The following CDC42BPB variants were observed in gnomAD, a reference collection of about 807,000 sequenced individuals.
CDC42BPB encodes the protein serine/threonine-protein kinase MRCK beta.
A neutral mutation model predicts 214.9 loss-of-function variants in CDC42BPB; 37 were observed. The observed-to-expected ratio is 0.17, with a 90% CI of 0.13 to 0.23. CDC42BPB has a LOEUF of 0.23. Ranked by LOEUF, CDC42BPB falls within the 10% of genes least tolerant of loss-of-function variation. The pLI, the probability that CDC42BPB is intolerant of heterozygous loss-of-function variation, is 1.00. For missense variants in CDC42BPB, 1,694 were observed against 2,227.0 expected, an observed-to-expected ratio of 0.76 and a Z score of 4.82; for synonymous variants, 931 against 884.0, an observed-to-expected ratio of 1.05 and a Z score of -0.94.
chr14:102,943,798 G>C lies in CDC42BPB; in HGVS notation c.4408+93C>G, dbSNP rs1402936169. 3 of 1,138,616 alleles carry C rather than the reference G, an allele frequency of 2.6e-6. No homozygotes were observed. Among genetic ancestry groups the C allele is most frequent in the Non-Finnish European group, 3.8e-6 (3 of 797,638 alleles). 70.5% of individuals were successfully genotyped at this position (1,138,616 alleles called of 1,614,324 possible). On this transcript the variant is annotated intron_variant, in intron 30 of 36. Transcript: ENST00000361246. This position sits in a 1 kb window ranked among gnomAD's most constrained non-coding sequence, Gnocchi z 4.6. Reference sequence around the variant, plus strand: ...ATGCTCTGTGACTACTCAACTAAGGGACTGGAAGACAAACCAAAGCAAAAT... The same window carrying C: ...ATGCTCTGTGACTACTCAACTAAGGCACTGGAAGACAAACCAAAGCAAAAT...
At position 102,939,736 on chromosome 14, in the gene CDC42BPB, A is replaced by G; in HGVS notation, c.4710-9T>C. 1 of 1,614,136 alleles carries G rather than the reference A, an allele frequency of 6.2e-7. No individual in the cohort carries two copies. On this transcript the variant is annotated splice_polypyrimidine_tract_variant and intron_variant, in intron 33 of 36. Coordinates refer to ENST00000361246, the MANE Select transcript of CDC42BPB (RefSeq NM_006035.4). The stretch of plus-strand genomic sequence containing the variant: ...GGTCTCTAAGCATCTCTCTGGGGAA[A>G]GGACACACTTTTGAGATTCATGGAT...
chr14:103,041,799 C>T, intron 1 of CDC42BPB: 2 of 436,966 alleles, frequency 4.6e-6, no homozygotes, highest in South Asian at 2.3e-5. Context: ...CCCTGCAGGC[C>T]AAGGTGCGGC....
chr14:102,967,015 T>C, intron 17 of CDC42BPB, 31 bp downstream of exon 17: 1 of 1,606,526 alleles, frequency 6.2e-7, no homozygotes, highest in Non-Finnish European at 8.5e-7. Flanking sequence ...AGGGAGCGGA[T>C]TCACGGCCGC....
rs1321263609 is a variant in CDC42BPB, at chr14:102,978,176, G to T, written c.1170C>A (p.Gly390=). The T allele has an allele frequency of 6.2e-7, 1 of 1,613,746 alleles. No individual in the cohort carries two copies. Among genetic ancestry groups the T allele is most frequent in the Non-Finnish European group, 8.5e-7 (1 of 1,179,628 alleles). The change falls in exon 9 of 37, where the codon GGC becomes GGA. Residue 390 remains glycine, a synonymous_variant. Transcript: ENST00000361246. ...TGAATGGCAAATGTAATCCAGAAAAGCCTGTGTGAGAACCAGGAGGTAATA... is the reference window on the plus strand; with the variant it reads ...TGAATGGCAAATGTAATCCAGAAAATCCTGTGTGAGAACCAGGAGGTAATA... The part of the protein sequence containing the change: ...TEILPPGSHT[G]FSGLHLPFIG...
At chr14:102,952,447 C>A (rs773547578) in intron 24 of CDC42BPB, 51 bp downstream of exon 24, 104 of 1,177,264 alleles carry the variant, frequency 8.8e-5, no homozygotes, top group Non-Finnish European at 1.2e-4. Context: ...CCCTTAGCTG[C>A]AGGGGTGTGG....
intron 34 of CDC42BPB, chr14:102,938,624 G>GT (rs1371418486): frequency 1.1e-6 from 1 of 913,814 alleles, no homozygotes; most frequent in Non-Finnish European, 1.3e-6. Flanking sequence ...TATAAAAAGC[G>GT]TACTTTTTTT....
At chr14:102,995,578 C>T (rs562410218) in intron 5 of CDC42BPB, among the ~76,000 whole-genome samples, 2 of 152,324 alleles carry the variant, frequency 1.3e-5, no homozygotes, top group African/African-American at 2.4e-5. Flanking sequence ...TGAGGGGCAC[C>T]CACAGGGTCC....
rs1228315480 is a variant in CDC42BPB at position 102,999,909 on chromosome 14, G to T, written c.448-196C>A. On this transcript the variant is annotated intron_variant, in intron 4 of 36. Coordinates refer to ENST00000361246, the MANE Select transcript of CDC42BPB (RefSeq NM_006035.4). ...CGTCCACGACGCCGCCATCTTCAGGGGTGCATATGGCAGAGAGTGGACTTC... is the reference window on the plus strand; with the variant it reads ...CGTCCACGACGCCGCCATCTTCAGGTGTGCATATGGCAGAGAGTGGACTTC... The T allele has an allele frequency of 6.1e-6, 6 of 985,364 alleles. No individual in the cohort carries two copies. In the East Asian group the frequency reaches 6.8e-4, roughly 112 times the overall value. 61.0% of individuals were successfully genotyped at this position (985,364 alleles called of 1,614,324 possible). A position where few individuals can be genotyped will look rare whatever the true frequency, so the allele number is the denominator to read the frequency against.
At position 103,057,352 on chromosome 14, in the gene CDC42BPB, G is replaced by A. The variant is rs1889045902; in HGVS notation, c.-179C>T. ...CGACATCTTGGGCTCCGTCCCGACGGCGCAGAGTCTGGGGCGCCGGGCCCC... is the reference window on the plus strand; with the variant it reads ...CGACATCTTGGGCTCCGTCCCGACGACGCAGAGTCTGGGGCGCCGGGCCCC... On this transcript the variant is annotated 5_prime_UTR_variant, in exon 1 of 37. Transcript: ENST00000361246. The A allele has an allele frequency of 4.9e-6, 5 of 1,017,402 alleles. No individual in the cohort carries two copies. The highest frequency in any genetic ancestry group is 5.9e-6 in the Non-Finnish European group (5 of 852,416). 63.0% of individuals were successfully genotyped at this position (1,017,402 alleles called of 1,614,324 possible).
chr14:102,999,748 C>T, intron 4 of CDC42BPB, 35 bp from the exon 5 acceptor site: 3 of 1,613,136 alleles, frequency 1.9e-6, no homozygotes, highest in Non-Finnish European at 2.5e-6. Context: ...GAGAATACCA[C>T]ATTTAGTCAC....
chr14:102,962,138 A>G (rs1265801545), intron 20 of CDC42BPB, among the ~76,000 whole-genome samples: 3 of 152,240 alleles, frequency 2.0e-5, no homozygotes, highest in Admixed American at 2.0e-4. Flanking sequence ...CAGAGCGGCA[A>G]AAATCCAAAA....
intron 1 of CDC42BPB, among the ~76,000 whole-genome samples, chr14:103,031,688 G>A (rs1887385600): frequency 6.6e-6 from 1 of 152,136 alleles, no homozygotes; most frequent in Non-Finnish European, 1.5e-5. Context: ...AGCAGGAAGG[G>A]CCTGGGGCTC....
At chr14:103,010,139 T>C (rs1418471697) in intron 2 of CDC42BPB, among the ~76,000 whole-genome samples, 3 of 152,024 alleles carry the variant, frequency 2.0e-5, no homozygotes, top group Non-Finnish European at 2.9e-5. Flanking sequence ...TAAAAAAAAT[T>C]AGCCGGGCGT....
chr14:102,970,319 C>T, intron 13 of CDC42BPB, 58 bp from the exon 14 acceptor site: 13 of 1,550,532 alleles, frequency 8.4e-6, no homozygotes, highest in Non-Finnish European at 1.1e-5. Context: ...TCACCAGTTA[C>T]AGCAGCACCC....
At chr14:103,032,707 A>G (rs1172526813) in intron 1 of CDC42BPB, among the ~76,000 whole-genome samples, 3 of 142,428 alleles carry the variant, frequency 2.1e-5, no homozygotes, top group African/African-American at 8.0e-5. Flanking sequence ...ATCTAGGCTC[A>G]TTGCGACCTC....
chr14:102,959,961 C>G (rs543378263), intron 20 of CDC42BPB: 7 of 445,254 alleles, frequency 1.6e-5, no homozygotes, highest in Admixed American at 6.4e-5. Flanking sequence ...AATCCCAACA[C>G]TTTGGGAGGC....
intron 26 of CDC42BPB, among the ~76,000 whole-genome samples, chr14:102,949,386 T>G (rs1313390364): frequency 6.6e-6 from 1 of 152,094 alleles, no homozygotes; most frequent in Non-Finnish European, 1.5e-5. Flanking sequence ...CACCAGCACC[T>G]GCTGCGGTCT....
At chr14:102,992,791 A>C (rs551618964) in intron 5 of CDC42BPB, among the ~76,000 whole-genome samples, 1 of 148,278 alleles carries the variant, frequency 6.7e-6, no homozygotes, top group Non-Finnish European at 1.5e-5. Flanking sequence ...AAATATATAT[A>C]TTCAAAAATA....
Position 102,943,671 on chromosome 14 carries a change from T to C in CDC42BPB, c.4408+220A>G. 1.8e-6 allele frequency: 1 copy of C among 546,706 alleles called. No homozygotes were observed. The allele number at this position is 546,706 out of a possible 1,614,324, so 33.9% of individuals were successfully genotyped here. A position where few individuals can be genotyped will look rare whatever the true frequency, so the allele number is the denominator to read the frequency against. The stretch of plus-strand genomic sequence containing the variant: ...GGCCTCTGGAAGAACCGGCCCCATG[T>C]GCTCAGGGAGAGAGGTTGCTGAGCC... On this transcript the variant is annotated intron_variant, in intron 30 of 36. Transcript: ENST00000361246. This position sits in a 1 kb window ranked among gnomAD's most constrained non-coding sequence, Gnocchi z 4.6.
Sources: gnomAD v4.1 joint callset for allele counts (sites outside exome capture counted in the v4.1 genomes callset) on GRCh38, gnomAD v4.1.1 for gene constraint, Gnocchi (gnomAD v3.1) non-coding constraint, MANE v1.5 for transcripts, NCBI Gene and HGNC (gene_info 2026-07-23, HGNC 2026-07-21) for gene names.